The following HYCC2 variants were observed in gnomAD, a reference collection of about 807,000 sequenced individuals.
The protein encoded by HYCC2 is hyccin PI4KA lipid kinase complex subunit 2.
chr2:200,976,687 C>A, the HYCC2 span: 1 of 152,062 alleles, frequency 6.6e-6, no homozygotes, highest in Non-Finnish European at 1.5e-5. Flanking sequence ...GAGACTACCG[C>A]ATTTAAGACA....
chr2:200,997,279 A>T, the HYCC2 span: 1 of 502,210 alleles, frequency 2.0e-6, no homozygotes, highest in Non-Finnish European at 3.6e-6. Flanking sequence ...CAACAACAAC[A>T]ACAAAAACAG....
chr2:200,991,532 G>A, the HYCC2 span, among the ~76,000 whole-genome samples: 1 of 150,654 alleles, frequency 6.6e-6, no homozygotes. Flanking sequence ...TAGCGCCACT[G>A]CACTCCAGCA....
At chr2:200,981,779 T>A in the HYCC2 span, 4 of 1,614,134 alleles carry the variant, frequency 2.5e-6, no homozygotes, top group Non-Finnish European at 3.4e-6. This position sits in a 1 kb window ranked among gnomAD's most constrained non-coding sequence, Gnocchi z 4.5. Context: ...TTGGTCCCAA[T>A]TGGCTGACTG....
At chr2:201,042,052 C>G in the HYCC2 span, among the ~76,000 whole-genome samples, 3 of 152,146 alleles carry the variant, frequency 2.0e-5, no homozygotes, top group Non-Finnish European at 2.9e-5. Flanking sequence ...ACTGCAGCCT[C>G]CCTGCCTGAT....
At chr2:200,986,508 T>C in the HYCC2 span, among the ~76,000 whole-genome samples, 102 of 152,316 alleles carry the variant, frequency 6.7e-4, no homozygotes, top group Middle Eastern at 3.4e-3. Context: ...TCCTACGGCA[T>C]TACATGCAAA....
the HYCC2 span, among the ~76,000 whole-genome samples, chr2:201,058,912 C>T: frequency 0.062 from 9,475 of 152,246 alleles, 723 homozygotes; most frequent in African/African-American, 0.18. Context: ...GTAAAGCAGA[C>T]TGCCTTTCCT....
At chr2:201,002,584 G>T in the HYCC2 span, among the ~76,000 whole-genome samples, 4 of 150,996 alleles carry the variant, frequency 2.6e-5, no homozygotes, top group African/African-American at 7.3e-5. Context: ...GGAGTGCAGT[G>T]GCGCGATCTT....
At chr2:201,067,087 A>G in the HYCC2 span, 1 of 296,120 alleles carries the variant, frequency 3.4e-6, no homozygotes, top group Non-Finnish European at 6.6e-6. Flanking sequence ...TTGATGAGCC[A>G]AGATCAAGAC....
chr2:201,005,502 G>A, the HYCC2 span, among the ~76,000 whole-genome samples: 21 of 152,040 alleles, frequency 1.4e-4, no homozygotes, highest in East Asian at 9.7e-4. Context: ...CAAAAAAACC[G>A]GAACTACACC....
At chr2:201,035,002 C>T in the HYCC2 span, among the ~76,000 whole-genome samples, 35 of 151,744 alleles carry the variant, frequency 2.3e-4, no homozygotes, top group Admixed American at 1.6e-3. Context: ...CCTTTGTGGG[C>T]AACCCGACCT....
chr2:201,056,674 CAAA>C, the HYCC2 span, among the ~76,000 whole-genome samples: 3 of 68,940 alleles, frequency 4.4e-5, no homozygotes, highest in Non-Finnish European at 5.7e-5. Flanking sequence ...AACTCCATCT[CAAA>C]AAAAAAAAAA....
chr2:201,013,494 A>AG, the HYCC2 span, among the ~76,000 whole-genome samples: 1 of 151,722 alleles, frequency 6.6e-6, no homozygotes, highest in African/African-American at 2.4e-5. Flanking sequence ...AAAAAAAAAA[A>AG]AAAGAAAGAA....
chr2:201,041,711 C>T, the HYCC2 span, among the ~76,000 whole-genome samples: 2 of 152,134 alleles, frequency 1.3e-5, no homozygotes, highest in African/African-American at 4.8e-5. Flanking sequence ...TACATTTTTG[C>T]ATTGCTCACT....
the HYCC2 span, among the ~76,000 whole-genome samples, chr2:201,049,292 A>G: frequency 6.6e-6 from 1 of 152,196 alleles, no homozygotes; most frequent in South Asian, 2.1e-4. Flanking sequence ...ACAACCAACC[A>G]AAATGACTAA....
At chr2:201,063,168 A>T in the HYCC2 span, 1 of 1,610,486 alleles carries the variant, frequency 6.2e-7, no homozygotes, top group South Asian at 1.1e-5. Context: ...GAAACAACCG[A>T]TGAGAGCCTG....
At chr2:200,991,827 G>A in the HYCC2 span, among the ~76,000 whole-genome samples, 1 of 151,996 alleles carries the variant, frequency 6.6e-6, no homozygotes, top group South Asian at 2.1e-4. Context: ...CTGGGAGGCT[G>A]AGGCCAGCCT....
At chr2:201,069,561 C>T in the HYCC2 span, among the ~76,000 whole-genome samples, 29 of 134,854 alleles carry the variant, frequency 2.2e-4, no homozygotes, top group Non-Finnish European at 3.7e-4. Context: ...CACACACACA[C>T]ACACACACAC....
At chr2:201,070,380 C>A in the HYCC2 span, among the ~76,000 whole-genome samples, 11 of 152,120 alleles carry the variant, frequency 7.2e-5, no homozygotes, top group Non-Finnish European at 1.3e-4. Context: ...CTGCCGGGCA[C>A]GGTGGCTCAC....
chr2:201,033,219 T>G, the HYCC2 span, among the ~76,000 whole-genome samples: 16 of 118,892 alleles, frequency 1.3e-4, no homozygotes, highest in East Asian at 1.1e-3. Flanking sequence ...GAGAGAGAGA[T>G]GAGATCTCTC....
Sources: allele counts gnomAD v4.1 joint callset (sites outside exome capture counted in the v4.1 genomes callset), GRCh38; gene constraint gnomAD v4.1.1; non-coding constraint Gnocchi (gnomAD v3.1); transcripts MANE v1.5; gene names NCBI Gene and HGNC (gene_info 2026-07-23, HGNC 2026-07-21).